Variants in MACROD2 observed in about 807,000 individuals in gnomAD.
The protein encoded by MACROD2 is mono-ADP ribosylhydrolase 2, also known as ADP-ribose glycohydrolase MACROD2.
In MACROD2, 36 loss-of-function variants were observed where a neutral mutation model predicts 70.4. The observed-to-expected ratio is 0.51, with a 90% CI of 0.39 to 0.68. The LOEUF (loss-of-function observed/expected upper bound fraction) is 0.68, where lower values mean the gene tolerates loss of function less well. Ranked by LOEUF, MACROD2 falls within the 30% of genes least tolerant of loss-of-function variation. The pLI, the probability that MACROD2 is intolerant of heterozygous loss-of-function variation, is 0.00. For synonymous variants in MACROD2, 172 were observed against 178.8 expected (o/e 0.96, Z 0.30); for missense variants, 496 against 538.4 (o/e 0.92, Z 0.78).
At chr20:14,421,257 A>G (rs896191733) in intron 3 of MACROD2, among the ~76,000 whole-genome samples, 2 of 152,204 alleles carry the variant, frequency 1.3e-5, no homozygotes, top group African/African-American at 2.4e-5. Context: ...TTACTCTTCA[A>G]TTCCTGAGAA....
chr20:15,321,394 C>A (rs1389095086), intron 6 of MACROD2, among the ~76,000 whole-genome samples: 1 of 144,258 alleles, frequency 6.9e-6, no homozygotes, highest in Non-Finnish European at 1.6e-5. Flanking sequence ...CTTCACTGAG[C>A]AGGCCCATAA....
chr20:14,786,223 A>AGAGAGAGG (rs2072371855), intron 5 of MACROD2, among the ~76,000 whole-genome samples: 1 of 151,540 alleles, frequency 6.6e-6, no homozygotes, highest in South Asian at 2.1e-4. Context: ...AGAGAGAGAG[A>AGAGAGAGG]GAGAGAGAGA....
chr20:14,778,598 G>A (rs922775255), intron 5 of MACROD2, among the ~76,000 whole-genome samples: 2 of 152,084 alleles, frequency 1.3e-5, no homozygotes, highest in Non-Finnish European at 2.9e-5. Context: ...GTTTGGGGGC[G>A]TAATCTTAGT....
chr20:14,862,029 T>TATATTTA (rs2073329562), intron 5 of MACROD2, among the ~76,000 whole-genome samples: 2 of 16,966 alleles, frequency 1.2e-4, no homozygotes, highest in Non-Finnish European at 2.1e-4. Flanking sequence ...TTATATATAT[T>TATATTTA]TATATATATT....
At chr20:15,528,412 C>A (rs982405294) in intron 8 of MACROD2, among the ~76,000 whole-genome samples, 2 of 152,188 alleles carry the variant, frequency 1.3e-5, no homozygotes, top group African/African-American at 4.8e-5. Flanking sequence ...TGAGCCACTG[C>A]GCCTGGCCTG....
At chr20:14,903,032 T>A (rs978480029) in intron 5 of MACROD2, among the ~76,000 whole-genome samples, 1 of 142,904 alleles carries the variant, frequency 7.0e-6, no homozygotes, top group Non-Finnish European at 1.5e-5. Context: ...TTCTTTTTTT[T>A]CTTTCCCTTT....
At chr20:14,119,777 G>A (rs2054561263) in intron 3 of MACROD2, among the ~76,000 whole-genome samples, 1 of 152,118 alleles carries the variant, frequency 6.6e-6, no homozygotes, top group Admixed American at 6.5e-5. Flanking sequence ...GGAATATATA[G>A]GCAAAAGCTA....
chr20:15,559,278 G>A (rs1363125877), intron 8 of MACROD2, among the ~76,000 whole-genome samples: 3 of 150,818 alleles, frequency 2.0e-5, no homozygotes, highest in Admixed American at 2.0e-4. Context: ...TATCACATGT[G>A]TGGATGAAGG....
chr20:14,148,587 T>C (rs2054971333), intron 3 of MACROD2, among the ~76,000 whole-genome samples: 1 of 152,244 alleles, frequency 6.6e-6, no homozygotes, highest in South Asian at 2.1e-4. Flanking sequence ...GCTGCACTGT[T>C]ACATATTCTT....
intron 6 of MACROD2, among the ~76,000 whole-genome samples, chr20:15,424,996 T>A (rs2046279055): frequency 6.6e-6 from 1 of 152,204 alleles, no homozygotes; most frequent in Admixed American, 6.5e-5. Context: ...GACTGTTGTC[T>A]GAAACCCTTT....
chr20:15,652,455 AG>A (rs2049659485), intron 8 of MACROD2, among the ~76,000 whole-genome samples: 1 of 152,156 alleles, frequency 6.6e-6, no homozygotes, highest in African/African-American at 2.4e-5. Context: ...ACTTTGCCAC[AG>A]TCAGTAATAT....
chr20:14,282,302 T>C (rs1428938843), intron 3 of MACROD2, among the ~76,000 whole-genome samples: 1 of 152,232 alleles, frequency 6.6e-6, no homozygotes, highest in Non-Finnish European at 1.5e-5. Context: ...GTTAGTTGAA[T>C]GTAGAATTTC....
intron 8 of MACROD2, among the ~76,000 whole-genome samples, chr20:15,653,980 A>T (rs1409242088): frequency 6.6e-6 from 1 of 152,130 alleles, no homozygotes; most frequent in Non-Finnish European, 1.5e-5. Flanking sequence ...AAAAGAGGAC[A>T]AGATCTATGT....
At chr20:14,714,477 C>T (rs1486032898) in intron 5 of MACROD2, among the ~76,000 whole-genome samples, 1 of 152,144 alleles carries the variant, frequency 6.6e-6, no homozygotes, top group Non-Finnish European at 1.5e-5. Context: ...TTCAACGTGA[C>T]CCATAAATAT....
At chr20:15,215,583 A>T (rs2076803514) in intron 5 of MACROD2, among the ~76,000 whole-genome samples, 1 of 152,046 alleles carries the variant, frequency 6.6e-6, no homozygotes, top group African/African-American at 2.4e-5. Context: ...ATAAAACTAT[A>T]TATTTATATA....
At position 15,959,925 on chromosome 20, in the gene MACROD2, C is replaced by T. The variant is rs527447224; in HGVS notation, c.908-7628C>T. Among the ~76,000 whole-genome samples the T allele has an allele frequency of 2.0e-5, 3 of 152,222 alleles. No homozygotes were observed. The East Asian group carries it at 5.8e-4, about 29-fold the overall frequency. ...AAGTTAAATAATGAACTTGCAAGAA[C>T]CACAAAGTGAGTTAGACTATTTCAG... On this transcript the variant is annotated intron_variant, in intron 12 of 17. Coordinates refer to ENST00000684519, the MANE Select transcript of MACROD2 (RefSeq NM_001351661.2).
chr20:15,703,456 C>T (rs1188525889), intron 8 of MACROD2, among the ~76,000 whole-genome samples: 1 of 152,182 alleles, frequency 6.6e-6, no homozygotes, highest in Non-Finnish European at 1.5e-5. Flanking sequence ...GGTATCTTAA[C>T]TTACAACCCC....
At chr20:14,197,694 T>G (rs2081444406) in intron 3 of MACROD2, among the ~76,000 whole-genome samples, 1 of 151,688 alleles carries the variant, frequency 6.6e-6, no homozygotes, top group Non-Finnish European at 1.5e-5. Context: ...TTGAACCTGG[T>G]AAGTGGAGGT....
intron 5 of MACROD2, among the ~76,000 whole-genome samples, chr20:14,939,663 G>T (rs903936674): frequency 6.6e-6 from 1 of 152,044 alleles, no homozygotes; most frequent in Non-Finnish European, 1.5e-5. Flanking sequence ...CATTGAATCT[G>T]TAAAATTGCT....
Sources: allele counts gnomAD v4.1 joint callset (sites outside exome capture counted in the v4.1 genomes callset), GRCh38; gene constraint gnomAD v4.1.1; transcripts MANE v1.5; gene names NCBI Gene and HGNC (gene_info 2026-07-23, HGNC 2026-07-21).